The following MICA variants were observed in gnomAD, a reference collection of about 807,000 sequenced individuals.
MICA encodes HLA class I antigen.
A neutral mutation model predicts 34.3 loss-of-function variants in MICA; 18 were observed. That is an observed-to-expected ratio of 0.52 (90% CI 0.36 to 0.78). MICA has a LOEUF of 0.78. Ranked by LOEUF, MICA falls within the 30% of genes least tolerant of loss-of-function variation. The pLI is 0.00. For missense variants in MICA, 333 were observed against 409.4 expected (o/e 0.81, Z 1.61); for synonymous variants, 135 against 156.9 (o/e 0.86, Z 1.04).
At chr6:31,413,593 C>T (rs1771332095) in intron 5 of MICA, among the ~76,000 whole-genome samples, 1 of 151,876 alleles carries the variant, frequency 6.6e-6, no homozygotes, top group Non-Finnish European at 1.5e-5. Flanking sequence ...GCAGTAGGGT[C>T]GCTGGTTTCT....
intron 5 of MICA, among the ~76,000 whole-genome samples, chr6:31,414,687 GC>G (rs1209364792): frequency 6.6e-6 from 1 of 151,934 alleles, no homozygotes; most frequent in African/African-American, 2.4e-5. Flanking sequence ...CTTTGGGGAG[GC>G]CTCTCACTGT....
intron 2 of MICA, 136 bp from the exon 3 acceptor site, chr6:31,410,936 G>A (rs1771097776): frequency 6.8e-7 from 1 of 1,467,944 alleles, no homozygotes; most frequent in Middle Eastern, 1.8e-4. Flanking sequence ...ACTCAGCAGG[G>A]AGGTGAGCCG....
At chr6:31,404,823 C>T (rs1229748937) in intron 1 of MICA, among the ~76,000 whole-genome samples, 1 of 151,418 alleles carries the variant, frequency 6.6e-6, no homozygotes, top group Admixed American at 6.6e-5. Context: ...GGCCCCTTCC[C>T]CACTCCTTCA....
chr6:31,405,702 TC>T (rs1337785253), intron 1 of MICA, among the ~76,000 whole-genome samples: 1 of 151,698 alleles, frequency 6.6e-6, no homozygotes, highest in Non-Finnish European at 1.5e-5. Context: ...CCATCCCTGC[TC>T]CCCCACTCCC....
intron 1 of MICA, among the ~76,000 whole-genome samples, chr6:31,409,425 C>T (rs1469705661): frequency 3.5e-5 from 5 of 143,926 alleles, no homozygotes; most frequent in Non-Finnish European, 7.7e-5. Flanking sequence ...TGATATTGAG[C>T]ATCTTTTCAT....
At chr6:31,407,056 C>T (rs111824766) in intron 1 of MICA, among the ~76,000 whole-genome samples, 5,233 of 151,830 alleles carry the variant, frequency 0.034, 152 homozygotes, top group Middle Eastern at 0.085. Flanking sequence ...GTTCCATATG[C>T]ATTTTAGGAT....
chr6:31,404,245 C>T (rs1292943980), intron 1 of MICA, among the ~76,000 whole-genome samples: 2 of 151,764 alleles, frequency 1.3e-5, no homozygotes, highest in African/African-American at 4.8e-5. Context: ...GGTCCTGACT[C>T]TCAAGCTGAG....
At position 31,412,089 on chromosome 6, in the gene MICA, G is replaced by A. The variant is rs563847331; in HGVS notation, c.756G>A (p.Gln252=). The change falls in exon 4 of 6, where the codon CAG becomes CAA. Residue 252 remains glutamine (Q), a synonymous_variant. Transcript: ENST00000449934. ...DGVSLSHDTQ[Q]WGDVLPDGNG... is the part of the protein sequence containing the mutation. ...TATCTTTGAGCCACGACACCCAGCA[G>A]TGGGGGGATGTCCTGCCTGATGGGA... 1.9e-5 allele frequency: 30 copies of A among 1,613,236 alleles called. No homozygotes were observed. In the African/African-American group the frequency reaches 4.0e-4, roughly 22 times the overall value.
At chr6:31,403,550 G>T, upstream of MICA, 1 of 1,149,914 alleles carries the variant, frequency 8.7e-7, no homozygotes, top group South Asian at 1.7e-5. This position sits in a 1 kb window ranked among gnomAD's most constrained non-coding sequence, Gnocchi z 4.7. Context: ...GCGGTCGGGG[G>T]ACCGGGCCAG....
upstream of MICA, chr6:31,403,441 C>T (rs1770556095): frequency 1.9e-6 from 1 of 526,320 alleles, no homozygotes; most frequent in South Asian, 2.8e-5. This position sits in a 1 kb window ranked among gnomAD's most constrained non-coding sequence, Gnocchi z 4.7. Context: ...CTAAATCTCC[C>T]CAGGTCTCCA....
chr6:31,405,397 C>T (rs2442715), intron 1 of MICA, among the ~76,000 whole-genome samples: 42,027 of 150,322 alleles, frequency 0.28, 6,288 homozygotes, highest in East Asian at 0.33. Flanking sequence ...GCACCCCCAC[C>T]CCTTGCTTTG....
intron 1 of MICA, among the ~76,000 whole-genome samples, chr6:31,405,426 TG>T (rs1336028443): frequency 3.8e-4 from 58 of 151,652 alleles, no homozygotes. Flanking sequence ...TTTTAACTTT[TG>T]TTTGGGTACG....
At chr6:31,406,459 C>G (rs1447283743) in intron 1 of MICA, among the ~76,000 whole-genome samples, 2 of 151,438 alleles carry the variant, frequency 1.3e-5, no homozygotes, top group East Asian at 3.9e-4. Flanking sequence ...GTTACTGATC[C>G]TTTGTCAGAT....
rs761352626 is a variant in MICA at position 31,412,042 on chromosome 6, C to G, written c.709C>G (p.Leu237Val). ...ASSFYPRNII[L>V]TWRQDGVSLS... ...CAGCTTCTATCCCCGGAATATCATACTGACCTGGCGTCAGGATGGGGTATC... is the reference window on the plus strand; with the variant it reads ...CAGCTTCTATCCCCGGAATATCATAGTGACCTGGCGTCAGGATGGGGTATC... The change falls in exon 4 of 6, where the codon CTG becomes GTG. Residue 237 changes from leucine to valine, a missense_variant. By Grantham distance (32) the Leu-to-Val change is conservative. Coordinates refer to ENST00000449934, the MANE Select transcript of MICA (RefSeq NM_001177519.3). 1 of 1,612,998 alleles carries G rather than the reference C, an allele frequency of 6.2e-7. No homozygotes were observed. Among genetic ancestry groups the G allele is most frequent in the Non-Finnish European group, 8.5e-7 (1 of 1,179,870 alleles).
chr6:31,412,561 T>G, intron 5 of MICA, 101 bp downstream of exon 5: 6 of 784,874 alleles, frequency 7.6e-6, no homozygotes, highest in Non-Finnish European at 1.2e-5. Context: ...TGACAAGGCT[T>G]CCATAACAGG....
chr6:31,414,238 A>T (rs113901367), intron 5 of MICA, among the ~76,000 whole-genome samples: 4,135 of 151,744 alleles, frequency 0.027, 126 homozygotes, highest in Admixed American at 0.042. Flanking sequence ...TGTAGGTTGC[A>T]AGGGCAGTGG....
rs1051794 is a variant in MICA, at chr6:31,411,332, G to A, written c.586G>A (p.Glu196Lys). The A allele has an allele frequency of 0.29, 462,311 of 1,581,700 alleles. 72,038 individuals are homozygous for A. Among genetic ancestry groups the A allele is most frequent in the African/African-American group, 0.45 (33,229 of 73,694 alleles). The change falls in exon 3 of 6, where the codon GAA (glutamate) becomes AAA (lysine). Residue 196 changes from glutamate to lysine, a missense_variant. By Grantham distance (56) the Glu-to-Lys change is moderately conservative. Transcript: ENST00000449934. The surrounding 1 kb of genome is among the most constrained non-coding windows in gnomAD (Gnocchi z 4.3). ...DCLQELRRYL[E>K]SGVVLRRTVP... Reference sequence around the variant, plus strand: ...CCTGCAGGAACTACGGCGATATCTAGAATCCGGCGTAGTCCTGAGGAGAAC... The same window carrying A: ...CCTGCAGGAACTACGGCGATATCTAAAATCCGGCGTAGTCCTGAGGAGAAC...
rs749104984 is a variant in MICA at position 31,403,696 on chromosome 6, G to A, written c.64G>A (p.Ala22Thr). The change falls in exon 1 of 6, where the codon GCT becomes ACT. Residue 22 changes from alanine to threonine, a missense_variant. Ala to Thr is a moderately conservative substitution (Grantham distance 58). Coordinates refer to ENST00000449934, the MANE Select transcript of MICA (RefSeq NM_001177519.3). The surrounding 1 kb of genome is among the most constrained non-coding windows in gnomAD (Gnocchi z 4.7). ...GIFPFAPPGA[A>T]AEPHSLRYNL... ...CTTCCCTTTTGCACCTCCGGGAGCT[G>A]CTGCTGGTGAGTGGCGTTCCTGGCG... is the stretch of plus-strand genomic sequence containing the variant. The A allele has an allele frequency of 5.9e-5, 90 of 1,531,492 alleles. No individual in the cohort carries two copies. The highest frequency in any genetic ancestry group is 5.8e-5 in the Non-Finnish European group (66 of 1,140,358). 94.9% of individuals were successfully genotyped at this position (1,531,492 alleles called of 1,614,324 possible).
chr6:31,410,580 C>A lies in MICA; in HGVS notation c.108C>A (p.Ser36=). 1 of 1,613,236 alleles carries A rather than the reference C, an allele frequency of 6.2e-7. No individual in the cohort carries two copies. The change falls in exon 2 of 6, where the codon TCC becomes TCA. Residue 36 remains serine, a synonymous_variant. Transcript: ENST00000449934. ...HSLRYNLTVL[S]WDGSVQSGFL... ...TTCGTTATAACCTCACGGTGCTGTC[C>A]TGGGATGGATCTGTGCAGTCAGGGT...
Sources: allele counts gnomAD v4.1 joint callset (sites outside exome capture counted in the v4.1 genomes callset), GRCh38; gene constraint gnomAD v4.1.1; non-coding constraint Gnocchi (gnomAD v3.1); transcripts MANE v1.5; gene names NCBI Gene and HGNC (gene_info 2026-07-23, HGNC 2026-07-21).